Variants in GALNT10 observed in about 807,000 individuals in gnomAD.
The protein encoded by GALNT10 is polypeptide N-acetylgalactosaminyltransferase 10.
Under a neutral mutation model 75.0 loss-of-function variants are expected in GALNT10, and 41 were observed. The ratio of observed to expected loss-of-function variants is 0.55; its 90% CI spans 0.43 to 0.71. The LOEUF (loss-of-function observed/expected upper bound fraction) is 0.71. GALNT10 is among the 30% of genes least tolerant of loss of function. GALNT10 has a pLI of 0.00. For synonymous variants in GALNT10, 302 were observed against 313.0 expected, an observed-to-expected ratio of 0.96 and a Z score of 0.37; for missense variants, 727 against 818.5, an observed-to-expected ratio of 0.89 and a Z score of 1.36.
At chr5:154,284,299 T>C (rs936234393) in intron 1 of GALNT10, among the ~76,000 whole-genome samples, 1 of 152,238 alleles carries the variant, frequency 6.6e-6, no homozygotes, top group Non-Finnish European at 1.5e-5. Flanking sequence ...GGCACAAGCC[T>C]AGGCATTTCT....
chr5:154,301,905 C>T (rs13172430), intron 3 of GALNT10, among the ~76,000 whole-genome samples: 47,379 of 151,956 alleles, frequency 0.31, 8,681 homozygotes, highest in East Asian at 0.61. Context: ...CACCAGCCCA[C>T]CCACCCAGCC....
chr5:154,301,569 T>TG (rs1425829126), intron 3 of GALNT10, among the ~76,000 whole-genome samples: 1 of 151,254 alleles, frequency 6.6e-6, no homozygotes, highest in African/African-American at 2.4e-5. Flanking sequence ...TTTGTTTTTT[T>TG]TTTTTTTTGA....
intron 4 of GALNT10, among the ~76,000 whole-genome samples, chr5:154,350,425 A>G (rs1358513743): frequency 1.3e-5 from 2 of 152,224 alleles, no homozygotes; most frequent in Non-Finnish European, 2.9e-5. Flanking sequence ...GGCAGTTTGT[A>G]TCAAAACACC....
At chr5:154,232,391 T>G (rs1753163975) in intron 1 of GALNT10, among the ~76,000 whole-genome samples, 1 of 152,242 alleles carries the variant, frequency 6.6e-6, no homozygotes, top group Non-Finnish European at 1.5e-5. Flanking sequence ...AATACACTTG[T>G]GGCTAATGCC....
intron 1 of GALNT10, among the ~76,000 whole-genome samples, chr5:154,246,349 G>T (rs948939523): frequency 7.9e-5 from 12 of 152,286 alleles, no homozygotes; most frequent in Non-Finnish European, 1.6e-4. Flanking sequence ...GGGTCAAATG[G>T]TATTTCCAGT....
intron 1 of GALNT10, among the ~76,000 whole-genome samples, chr5:154,227,842 GT>G (rs1215500592): frequency 6.6e-6 from 1 of 151,868 alleles, no homozygotes; most frequent in Non-Finnish European, 1.5e-5. Flanking sequence ...TTTGTATGTG[GT>G]TGATATAGTT....
chr5:154,338,154 T>C, intron 4 of GALNT10: 3 of 820,598 alleles, frequency 3.7e-6, no homozygotes, highest in South Asian at 2.6e-5. Context: ...GAATCGCCTC[T>C]TGAGACAGCT....
chr5:154,200,238 C>T (rs1468663355), intron 1 of GALNT10, among the ~76,000 whole-genome samples: 1 of 152,198 alleles, frequency 6.6e-6, no homozygotes, highest in African/African-American at 2.4e-5. Context: ...TATAGCAAGT[C>T]CCATGTGCCG....
At chr5:154,260,027 AAAAC>A (rs146794110) in intron 1 of GALNT10, among the ~76,000 whole-genome samples, 2,527 of 152,280 alleles carry the variant, frequency 0.017, 56 homozygotes, top group African/African-American at 0.059. Context: ...ATGAAGGGAG[AAAAC>A]AAACAAACAA....
intron 1 of GALNT10, among the ~76,000 whole-genome samples, chr5:154,263,521 C>T (rs1186030980): frequency 6.6e-6 from 1 of 152,098 alleles, no homozygotes; most frequent in African/African-American, 2.4e-5. Context: ...GACTGATTGT[C>T]TTAGTCTATT....
chr5:154,345,651 T>C (rs1479949454), intron 4 of GALNT10, among the ~76,000 whole-genome samples: 4 of 148,620 alleles, frequency 2.7e-5, no homozygotes, highest in African/African-American at 1.0e-4. Flanking sequence ...TTTTTTTTTT[T>C]TAAGAAAGAG....
intron 1 of GALNT10, among the ~76,000 whole-genome samples, chr5:154,225,392 CTTT>C (rs78087904): frequency 2.0e-4 from 28 of 137,662 alleles, no homozygotes; most frequent in Non-Finnish European, 4.0e-4. Flanking sequence ...TGCGCCCGGC[CTTT>C]TTTTTTTTTT....
chr5:154,333,061 C>T (rs532319502), intron 4 of GALNT10, among the ~76,000 whole-genome samples: 2 of 152,294 alleles, frequency 1.3e-5, no homozygotes, highest in East Asian at 1.9e-4. Context: ...TCTCAGGAAA[C>T]GCTGTGAGAA....
At chr5:154,273,929 C>A (rs1753911020) in intron 1 of GALNT10, among the ~76,000 whole-genome samples, 1 of 152,188 alleles carries the variant, frequency 6.6e-6, no homozygotes, top group South Asian at 2.1e-4. Flanking sequence ...CCTCCGCCTC[C>A]CAGTTGCTGC....
chr5:154,276,365 G>A (rs1753951705), intron 1 of GALNT10, among the ~76,000 whole-genome samples: 1 of 152,180 alleles, frequency 6.6e-6, no homozygotes, highest in African/African-American at 2.4e-5. Flanking sequence ...AACCAGCAAT[G>A]CCATATTTAA....
chr5:154,265,723 A>G (rs1233726375), intron 1 of GALNT10, among the ~76,000 whole-genome samples: 1 of 152,160 alleles, frequency 6.6e-6, no homozygotes, highest in African/African-American at 2.4e-5. Flanking sequence ...ATCACTTTGC[A>G]TTGAGATGTC....
intron 1 of GALNT10, among the ~76,000 whole-genome samples, chr5:154,224,908 G>A (rs1379856115): frequency 1.3e-5 from 2 of 151,694 alleles, no homozygotes; most frequent in Non-Finnish European, 2.9e-5. Flanking sequence ...AGCCTCCTGG[G>A]TAGCTAGGAC....
chr5:154,237,312 G>T (rs1027615864), intron 1 of GALNT10, among the ~76,000 whole-genome samples: 1 of 152,196 alleles, frequency 6.6e-6, no homozygotes, highest in Non-Finnish European at 1.5e-5. Context: ...GCTTGACTGT[G>T]AAATTATTTG....
chr5:154,310,769 G>A (rs1329857146), intron 3 of GALNT10, among the ~76,000 whole-genome samples: 1 of 152,170 alleles, frequency 6.6e-6, no homozygotes, highest in African/African-American at 2.4e-5. Flanking sequence ...ACCGTGCCTG[G>A]CCACATCACT....
Sources: allele counts gnomAD v4.1 joint callset (sites outside exome capture counted in the v4.1 genomes callset), GRCh38; gene constraint gnomAD v4.1.1; transcripts MANE v1.5; gene names NCBI Gene and HGNC (gene_info 2026-07-23, HGNC 2026-07-21).